The following PCDHGB6 variants were observed in gnomAD, a reference collection of about 807,000 sequenced individuals.
PCDHGB6 encodes the protein protocadherin gamma-B6.
A neutral mutation model predicts 59.1 loss-of-function variants in PCDHGB6; 51 were observed. The ratio of observed to expected loss-of-function variants is 0.86; its 90% CI spans 0.69 to 1.09. PCDHGB6 has a LOEUF of 1.09. Among genes scored for constraint, PCDHGB6 ranks in the 50% least tolerant of loss-of-function variants. The probability of loss-of-function intolerance (pLI) is 0.00; values close to 1 mark genes in which losing one functional copy is unlikely to be tolerated. For synonymous variants in PCDHGB6, 466 were observed against 495.1 expected (o/e 0.94, Z 0.78); for missense variants, 1,148 against 1,205.1 (o/e 0.95, Z 0.70).
In PCDHGB6 at chr5:141,487,579, A is replaced by G. The variant is rs779441421; in HGVS notation, c.2419-7228A>G. 60 of 1,614,022 alleles carry G rather than the reference A, an allele frequency of 3.7e-5. No homozygotes were observed. The South Asian group carries it at 6.0e-4, about 16-fold the overall frequency. The stretch of plus-strand genomic sequence containing the variant: ...CTATGGCAGGGGAGCCTGTTCGCCC[A>G]AGCTGCCCACCCTCTGATCTTCTCT... On this transcript the variant is annotated intron_variant, in intron 1 of 3. Transcript: ENST00000520790. This position sits in a 1 kb window ranked among gnomAD's most constrained non-coding sequence, Gnocchi z 5.0.
intron 1 of PCDHGB6, among the ~76,000 whole-genome samples, chr5:141,483,010 G>C (rs574078222): frequency 6.6e-6 from 1 of 152,006 alleles, no homozygotes; most frequent in Non-Finnish European, 1.5e-5. Flanking sequence ...GCTTGAACCC[G>C]GGAGGCAGAG....
At chr5:141,504,511 CTCTGATAT>C (rs2099838890) in intron 2 of PCDHGB6, among the ~76,000 whole-genome samples, 1 of 151,902 alleles carries the variant, frequency 6.6e-6, no homozygotes, top group Non-Finnish European at 1.5e-5. Flanking sequence ...AGTGGATCTC[CTCTGATAT>C]ATTTTATTCG....
intron 2 of PCDHGB6, among the ~76,000 whole-genome samples, chr5:141,496,180 GC>G (rs1054381604): frequency 1.4e-4 from 21 of 151,922 alleles, no homozygotes; most frequent in Non-Finnish European, 2.9e-4. Flanking sequence ...CATCCAAGCA[GC>G]CCCAGCTGCT....
chr5:141,441,631 C>A, intron 1 of PCDHGB6: 2 of 226,308 alleles, frequency 8.8e-6, no homozygotes, highest in Non-Finnish European at 1.8e-5. Context: ...GACCTGGAGC[C>A]ACAGGCGCTG....
Position 141,486,567 on chromosome 5 carries a change from C to T in PCDHGB6, c.2419-8240C>T, listed in dbSNP as rs1562113360. On this transcript the variant is annotated intron_variant, in intron 1 of 3. Transcript: ENST00000520790. The surrounding 1 kb of genome is among the most constrained non-coding windows in gnomAD (Gnocchi z 5.0). ...CAGAGGTCACATGAGGTGTTTGTTCCTGAGAACAATCGCCCAGGGGACCTG... is the reference window on the plus strand; with the variant it reads ...CAGAGGTCACATGAGGTGTTTGTTCTTGAGAACAATCGCCCAGGGGACCTG... The T allele has an allele frequency of 6.2e-7, 1 of 1,613,918 alleles. No homozygotes were observed. The highest frequency in any genetic ancestry group is 8.5e-7 in the Non-Finnish European group (1 of 1,179,986).
intron 1 of PCDHGB6, chr5:141,417,914 C>T: frequency 6.2e-7 from 1 of 1,602,320 alleles, no homozygotes; most frequent in Non-Finnish European, 8.5e-7. Context: ...GGTACTATTT[C>T]CTTTGCTGCT....
At chr5:141,427,092 G>T in intron 1 of PCDHGB6, 1 of 458,134 alleles carries the variant, frequency 2.2e-6, no homozygotes, top group Non-Finnish European at 4.4e-6. Flanking sequence ...CCAGGATGAG[G>T]GTGTCAATGC....
At position 141,449,274 on chromosome 5, in the gene PCDHGB6, T is replaced by C. The variant is rs569352843; in HGVS notation, c.2418+38654T>C. 3.9e-5 allele frequency among the ~76,000 whole-genome samples: 6 copies of C among 152,260 alleles called. No individual in the cohort carries two copies. In the East Asian group the frequency reaches 1.2e-3, roughly 29 times the overall value. On this transcript the variant is annotated intron_variant, in intron 1 of 3. Transcript: ENST00000520790. ...GAATTGTACAAAGAACTGTATCTCC[T>C]TCACCCGGATGCACCGGGTGAATTA...
Position 141,431,711 on chromosome 5 carries a change from G to T in PCDHGB6, c.2418+21091G>T. On this transcript the variant is annotated intron_variant, in intron 1 of 3. Coordinates refer to ENST00000520790, the MANE Select transcript of PCDHGB6 (RefSeq NM_018926.3). This position sits in a 1 kb window ranked among gnomAD's most constrained non-coding sequence, Gnocchi z 4.8. ...CGAGGAGTCAGGATTCTACCAGATG[G>T]AAGTGCAAGCAATGGATAATGCAGG... 1 of 1,614,230 alleles carries T rather than the reference G, an allele frequency of 6.2e-7. No homozygotes were observed. The highest frequency in any genetic ancestry group is 1.1e-5 in the South Asian group (1 of 91,092).
At chr5:141,450,817 A>T (rs1302552522) in intron 1 of PCDHGB6, among the ~76,000 whole-genome samples, 1 of 137,468 alleles carries the variant, frequency 7.3e-6, no homozygotes, top group Non-Finnish European at 1.5e-5. Context: ...TTTATTTAAT[A>T]TTATTATTAT....
At chr5:141,504,545 TGTTGGGGG>T in intron 2 of PCDHGB6, among the ~76,000 whole-genome samples, 1 of 151,524 alleles carries the variant, frequency 6.6e-6, no homozygotes, top group South Asian at 2.1e-4. Flanking sequence ...TCATGGCAAA[TGTTGGGGG>T]ACTGGCATTC....
chr5:141,418,666 G>C, intron 1 of PCDHGB6: 1 of 1,614,038 alleles, frequency 6.2e-7, no homozygotes, highest in Non-Finnish European at 8.5e-7. Context: ...CCACTGACCA[G>C]GACGAGGGCA....
chr5:141,430,804 G>T, intron 1 of PCDHGB6: 2 of 1,525,868 alleles, frequency 1.3e-6, no homozygotes, highest in Non-Finnish European at 1.8e-6. Context: ...GGCTTGTCCT[G>T]CTGGGAATCC....
At chr5:141,420,160 T>G in intron 1 of PCDHGB6, 1 of 1,614,044 alleles carries the variant, frequency 6.2e-7, no homozygotes, top group Non-Finnish European at 8.5e-7. Flanking sequence ...AATTTAATTT[T>G]TTCACATCTG....
chr5:141,426,772 C>T, intron 1 of PCDHGB6: 1 of 456,686 alleles, frequency 2.2e-6, no homozygotes, highest in South Asian at 1.5e-5. Context: ...GATGTAGGGC[C>T]TCACTCTCTC....
intron 1 of PCDHGB6, among the ~76,000 whole-genome samples, chr5:141,457,912 C>T (rs991917175): frequency 1.3e-5 from 2 of 152,120 alleles, no homozygotes; most frequent in African/African-American, 4.8e-5. Context: ...GGTGTGAGGC[C>T]AGTTCTCCCC....
chr5:141,478,692 A>C (rs1459911657), intron 1 of PCDHGB6: 2 of 1,550,666 alleles, frequency 1.3e-6, no homozygotes, highest in African/African-American at 2.7e-5. Context: ...CCTAGATCAA[A>C]GTTAGTGCCT....
chr5:141,507,525 A>T (rs1053801558), intron 3 of PCDHGB6, among the ~76,000 whole-genome samples: 1 of 152,000 alleles, frequency 6.6e-6, no homozygotes, highest in Non-Finnish European at 1.5e-5. Context: ...ATGATTCCAG[A>T]GAGGCCAGAG....
chr5:141,413,541 GATAGAA>G (rs2095653692), intron 1 of PCDHGB6: 1 of 1,613,904 alleles, frequency 6.2e-7, no homozygotes, highest in Non-Finnish European at 8.5e-7. Flanking sequence ...AACTTTTTGG[GATAGAA>G]ATAGAAGTAA....
Sources: allele counts gnomAD v4.1 joint callset (sites outside exome capture counted in the v4.1 genomes callset), GRCh38; gene constraint gnomAD v4.1.1; non-coding constraint Gnocchi (gnomAD v3.1); transcripts MANE v1.5; gene names NCBI Gene and HGNC (gene_info 2026-07-23, HGNC 2026-07-21).